The following RASSF8 variants were observed in gnomAD, a reference collection of about 807,000 sequenced individuals.
The protein encoded by RASSF8 is Ras association domain family member 8.
Under a neutral mutation model 48.5 loss-of-function variants are expected in RASSF8, and 22 were observed. The ratio of observed to expected loss-of-function variants is 0.45; its 90% CI spans 0.32 to 0.65. The LOEUF is 0.65. RASSF8 is among the 30% of genes least tolerant of loss of function. The pLI is 0.03. For synonymous variants in RASSF8, 127 were observed against 171.5 expected (o/e 0.74, Z 2.03); for missense variants, 418 against 489.2 (o/e 0.85, Z 1.37).
chr12:26,055,075 A>G (rs563230574), intron 2 of RASSF8, among the ~76,000 whole-genome samples, 161 bp from the exon 3 acceptor site: 1 of 152,332 alleles, frequency 6.6e-6, no homozygotes, highest in Non-Finnish European at 1.5e-5. Context: ...ATGATAGGTG[A>G]CTGTAGTTGC....
At position 26,024,958 on chromosome 12, in the gene RASSF8, C is replaced by CA. The variant is rs1232462073; in HGVS notation, c.-109+29838dup. On this transcript the variant is annotated intron_variant, in intron 2 of 5. Transcript: ENST00000689635. ...TGGGCAACAGAGCGAGACTCCGTCTCAAAAAAAAAAGTCAATTTAATACAC... is the reference window on the plus strand; with the variant it reads ...TGGGCAACAGAGCGAGACTCCGTCTCAAAAAAAAAAAGTCAATTTAATACAC... Among the ~76,000 whole-genome samples, 746 of 142,498 alleles carry CA rather than the reference C, an allele frequency of 5.2e-3. 9 individuals are homozygous for CA. Among genetic ancestry groups the CA allele is most frequent in the African/African-American group, 0.018 (697 of 38,774 alleles). 93.5% of individuals were successfully genotyped at this position (142,498 alleles called of 152,430 possible). A position where few individuals can be genotyped will look rare whatever the true frequency, so the allele number is the denominator to read the frequency against.
At chr12:26,041,037 G>A (rs1943253718) in intron 2 of RASSF8, among the ~76,000 whole-genome samples, 1 of 140,648 alleles carries the variant, frequency 7.1e-6, no homozygotes, top group Admixed American at 7.0e-5. Flanking sequence ...ACGGGTGCCC[G>A]CCACCGCGCC....
intron 1 of RASSF8, among the ~76,000 whole-genome samples, chr12:25,969,896 C>A (rs1330154684): frequency 6.6e-6 from 1 of 152,074 alleles, no homozygotes; most frequent in Non-Finnish European, 1.5e-5. Flanking sequence ...GTGCCAGTGG[C>A]ATCCTGGATG....
chr12:26,003,625 G>T (rs1287279787), intron 2 of RASSF8, among the ~76,000 whole-genome samples: 1 of 151,992 alleles, frequency 6.6e-6, no homozygotes, highest in African/African-American at 2.4e-5. Flanking sequence ...TAACTGTATA[G>T]GGGGAATAAA....
intron 2 of RASSF8, among the ~76,000 whole-genome samples, chr12:26,012,059 TTTTC>T (rs1256977132): frequency 1.3e-5 from 2 of 152,204 alleles, no homozygotes; most frequent in Non-Finnish European, 2.9e-5. Flanking sequence ...TGTGTATTGT[TTTTC>T]TTTATCTTAT....
At chr12:26,016,837 G>A (rs1942662926) in intron 2 of RASSF8, among the ~76,000 whole-genome samples, 1 of 152,134 alleles carries the variant, frequency 6.6e-6, no homozygotes, top group Non-Finnish European at 1.5e-5. Context: ...TAACAAAACA[G>A]GATAGATAAT....
chr12:26,060,743 T>C (rs1943724398), intron 3 of RASSF8, among the ~76,000 whole-genome samples: 1 of 152,196 alleles, frequency 6.6e-6, no homozygotes, highest in Non-Finnish European at 1.5e-5. Context: ...TTAAAATATT[T>C]ATAGCTCAAG....
intron 2 of RASSF8, among the ~76,000 whole-genome samples, chr12:26,024,294 C>T (rs1046757156): frequency 2.6e-5 from 4 of 152,110 alleles, no homozygotes; most frequent in South Asian, 2.1e-4. Flanking sequence ...AGCCACCACG[C>T]CCAGCCTGGA....
At chr12:25,984,435 CCGGTT>C (rs544161103) in intron 1 of RASSF8, among the ~76,000 whole-genome samples, 92 of 151,826 alleles carry the variant, frequency 6.1e-4, no homozygotes, top group South Asian at 2.1e-3. Flanking sequence ...CTCTTCCTCC[CCGGTT>C]CAGGCAATTC....
At chr12:25,994,624 C>T (rs1271819853) in intron 1 of RASSF8, among the ~76,000 whole-genome samples, 1 of 152,144 alleles carries the variant, frequency 6.6e-6, no homozygotes, top group Non-Finnish European at 1.5e-5. Flanking sequence ...GAGAGGTCTC[C>T]TTCAACTTCA....
At chr12:26,046,291 C>G (rs1943371588) in intron 2 of RASSF8, among the ~76,000 whole-genome samples, 2 of 152,178 alleles carry the variant, frequency 1.3e-5, no homozygotes, top group Non-Finnish European at 2.9e-5. Context: ...TACAAATGTC[C>G]TTGCAAACTT....
intron 1 of RASSF8, among the ~76,000 whole-genome samples, chr12:25,980,015 CA>C (rs1941701775): frequency 6.6e-6 from 1 of 152,158 alleles, no homozygotes; most frequent in South Asian, 2.1e-4. Flanking sequence ...TTCACAGTGA[CA>C]AAATTCAGAG....
intron 1 of RASSF8, among the ~76,000 whole-genome samples, chr12:25,972,842 G>A (rs1389098336): frequency 6.6e-6 from 1 of 152,194 alleles, no homozygotes; most frequent in Non-Finnish European, 1.5e-5. Context: ...CACAGATCGA[G>A]AATACAGCAT....
At chr12:25,962,831 A>G (rs1008614631) in intron 1 of RASSF8, among the ~76,000 whole-genome samples, 23 of 152,214 alleles carry the variant, frequency 1.5e-4, no homozygotes, top group African/African-American at 4.1e-4. Context: ...GGTTATATGT[A>G]TAATATGAAA....
At chr12:26,064,229 TAA>T (rs1162126399) in intron 3 of RASSF8, among the ~76,000 whole-genome samples, 1 of 152,226 alleles carries the variant, frequency 6.6e-6, no homozygotes, top group African/African-American at 2.4e-5. Flanking sequence ...GGCAAGAGTA[TAA>T]GAGTCCCACC....
chr12:26,073,600 G>C (rs984628191), downstream of RASSF8, among the ~76,000 whole-genome samples: 1 of 152,020 alleles, frequency 6.6e-6, no homozygotes, highest in African/African-American at 2.4e-5. Context: ...ATAGCTGGGC[G>C]TGGTGGCGGG....
At chr12:26,024,310 AT>A (rs1198793515) in intron 2 of RASSF8, among the ~76,000 whole-genome samples, 1 of 152,120 alleles carries the variant, frequency 6.6e-6, no homozygotes, top group African/African-American at 2.4e-5. Context: ...CTGGAGTAAC[AT>A]TTCTGTATCT....
intron 2 of RASSF8, among the ~76,000 whole-genome samples, chr12:26,034,836 T>A (rs1943099284): frequency 6.6e-6 from 1 of 151,374 alleles, no homozygotes; most frequent in Non-Finnish European, 1.5e-5. Context: ...TTAAGCTACA[T>A]TAAAAAAAAA....
intron 2 of RASSF8, among the ~76,000 whole-genome samples, chr12:26,001,651 T>C (rs1157015360): frequency 6.6e-6 from 1 of 152,144 alleles, no homozygotes; most frequent in East Asian, 1.9e-4. Flanking sequence ...AATATCACTT[T>C]TCACCTCCAC....
Sources: allele counts gnomAD v4.1 joint callset (sites outside exome capture counted in the v4.1 genomes callset), GRCh38; gene constraint gnomAD v4.1.1; transcripts MANE v1.5; gene names NCBI Gene and HGNC (gene_info 2026-07-23, HGNC 2026-07-21).